SLC14A2: variants seen among roughly 807,000 people sequenced by gnomAD.
SLC14A2 encodes the protein urea transporter 2.
SLC14A2 carries 91 observed loss-of-function variants against 104.6 expected under a neutral mutation model. The observed-to-expected ratio is 0.87, with a 90% CI of 0.73 to 1.04. The LOEUF (loss-of-function observed/expected upper bound fraction) is 1.04. SLC14A2 is among the 50% of genes least tolerant of loss of function. The pLI is 0.00. For synonymous variants in SLC14A2, 476 were observed against 466.4 expected (o/e 1.02, Z -0.27); for missense variants, 1,189 against 1,156.0 (o/e 1.03, Z -0.41).
intron 2 of SLC14A2, chr18:45,492,052 C>T (rs2043011758): frequency 6.6e-6 from 1 of 152,270 alleles, no homozygotes; most frequent in African/African-American, 2.4e-5. Context: ...TTCTGTTCTG[C>T]CATTCCTAGT....
rs2046336512 is a variant in SLC14A2, at chr18:45,683,076, GGAGT to G, written c.*561_*564del. On this transcript the variant is annotated 3_prime_UTR_variant, in exon 20 of 20. Coordinates refer to ENST00000255226, the MANE Select transcript of SLC14A2 (RefSeq NM_007163.4). ...GCCACTGCACTCCAGCCTGGGCAAC[GGAGT>G]GAGACTCTGTCTCAAAAAAAAAAAA... 6.6e-6 allele frequency: 1 copy of G among 152,476 alleles called. No individual in the cohort carries two copies. Among genetic ancestry groups the G allele is most frequent in the African/African-American group, 2.4e-5 (1 of 40,862 alleles). The allele number at this position is 152,476 out of a possible 1,614,324, so 9.4% of individuals were successfully genotyped here. A position where few individuals can be genotyped will look rare whatever the true frequency, so the allele number is the denominator to read the frequency against.
At chr18:45,418,020 T>C (rs2086297019) in intron 1 of SLC14A2, among the ~76,000 whole-genome samples, 1 of 152,216 alleles carries the variant, frequency 6.6e-6, no homozygotes, top group Admixed American at 6.5e-5. Flanking sequence ...TGGGTGCAGC[T>C]ATTCAGGGAA....
At chr18:45,460,006 T>C (rs1005075095) in intron 1 of SLC14A2, among the ~76,000 whole-genome samples, 49 of 152,282 alleles carry the variant, frequency 3.2e-4, no homozygotes, top group African/African-American at 1.1e-3. Context: ...CCAGGTCCAA[T>C]CTTTTTGGTC....
chr18:45,323,337 C>T (rs965961531), intron 1 of SLC14A2, among the ~76,000 whole-genome samples: 33 of 152,328 alleles, frequency 2.2e-4, no homozygotes, highest in Admixed American at 1.6e-3. Flanking sequence ...TGTCAGGCCT[C>T]TCCCAAGGAG....
intron 1 of SLC14A2, among the ~76,000 whole-genome samples, chr18:45,621,378 TCA>T (rs1437490145): frequency 6.6e-6 from 1 of 152,172 alleles, no homozygotes; most frequent in African/African-American, 2.4e-5. Flanking sequence ...ACACAAAAAT[TCA>T]CAGTGGTCTA....
chr18:45,414,757 A>AAAAATATATATATATATAT (rs1360051908), intron 1 of SLC14A2, among the ~76,000 whole-genome samples: 7 of 76,096 alleles, frequency 9.2e-5, no homozygotes, highest in African/African-American at 3.8e-4. Flanking sequence ...AAAAAAAAAA[A>AAAAATATATATATATATAT]ATATATATAT....
intron 1 of SLC14A2, among the ~76,000 whole-genome samples, chr18:45,364,116 T>C (rs996997724): frequency 6.6e-6 from 1 of 152,232 alleles, no homozygotes; most frequent in Non-Finnish European, 1.5e-5. Flanking sequence ...CCCTGTGCTC[T>C]GTAGCTGTCT....
At chr18:45,457,399 C>A (rs2086963094) in intron 1 of SLC14A2, among the ~76,000 whole-genome samples, 1 of 152,152 alleles carries the variant, frequency 6.6e-6, no homozygotes, top group African/African-American at 2.4e-5. Context: ...CCAAAGTCAA[C>A]TGCATATATG....
chr18:45,432,647 C>T (rs749008906), intron 1 of SLC14A2, among the ~76,000 whole-genome samples: 3 of 152,174 alleles, frequency 2.0e-5, no homozygotes, highest in Non-Finnish European at 4.4e-5. Context: ...CTGATTTCGG[C>T]TTTGTGAGTA....
In SLC14A2 at chr18:45,349,128, C is replaced by G. The variant is rs142011469; in HGVS notation, c.-124-134105C>G. 2.5e-3 allele frequency among the ~76,000 whole-genome samples: 388 copies of G among 152,314 alleles called. 1 individual carries two copies. Among genetic ancestry groups the G allele is most frequent in the African/African-American group, 8.9e-3 (369 of 41,562 alleles). Reference sequence around the variant, plus strand: ...AATTTCTCTGTGCTCATTTCGCTTTCTTGTTCATAAAGGTGCTTCCTGTTC... The same window carrying G: ...AATTTCTCTGTGCTCATTTCGCTTTGTTGTTCATAAAGGTGCTTCCTGTTC... On this transcript the variant is annotated intron_variant, in intron 1 of 20. Coordinates refer to the SLC14A2 transcript ENST00000586448.
At chr18:45,630,621 G>C (rs1377182623) in intron 4 of SLC14A2, among the ~76,000 whole-genome samples, 1 of 152,172 alleles carries the variant, frequency 6.6e-6, no homozygotes, top group Admixed American at 6.5e-5. Context: ...GGGTGGGACA[G>C]CTATTGGTAT....
chr18:45,279,326 G>A (rs752357956), intron 1 of SLC14A2, among the ~76,000 whole-genome samples: 13 of 152,146 alleles, frequency 8.5e-5, no homozygotes, highest in Non-Finnish European at 1.9e-4. Context: ...ATGAATTTAC[G>A]GGCAAAGGTG....
intron 1 of SLC14A2, among the ~76,000 whole-genome samples, chr18:45,431,574 T>G (rs911263939): frequency 2.0e-5 from 3 of 152,208 alleles, no homozygotes; most frequent in Non-Finnish European, 4.4e-5. Context: ...AGAATAGCAC[T>G]TTAGGGGACA....
the SLC14A2 span, among the ~76,000 whole-genome samples, chr18:45,179,626 A>G: frequency 6.6e-6 from 1 of 152,340 alleles, no homozygotes; most frequent in African/African-American, 2.4e-5. Context: ...AGGAGAACAC[A>G]GCAAGGTTAT....
chr18:45,402,693 G>A (rs1033832799), intron 1 of SLC14A2, among the ~76,000 whole-genome samples: 15 of 152,124 alleles, frequency 9.9e-5, no homozygotes, highest in Admixed American at 9.8e-4. Flanking sequence ...AACCCCACCT[G>A]CCATTTTGGT....
At chr18:45,176,019 A>T in the SLC14A2 span, among the ~76,000 whole-genome samples, 1 of 152,184 alleles carries the variant, frequency 6.6e-6, no homozygotes, top group Non-Finnish European at 1.5e-5. Flanking sequence ...GAAGAAACGG[A>T]ATGGAGAATA....
chr18:45,252,769 C>A (rs1164818356), intron 1 of SLC14A2, among the ~76,000 whole-genome samples: 3 of 147,164 alleles, frequency 2.0e-5, no homozygotes, highest in Admixed American at 6.8e-5. Flanking sequence ...TACTTTGGTG[C>A]AACATACTCA....
chr18:45,170,419 A>G, the SLC14A2 span, among the ~76,000 whole-genome samples: 18 of 152,338 alleles, frequency 1.2e-4, no homozygotes, highest in Admixed American at 6.5e-4. Context: ...AAGTTAAAGT[A>G]AAGAACTTTA....
At chr18:45,610,299 G>A (rs995885682) in intron 2 of SLC14A2, among the ~76,000 whole-genome samples, 1 of 152,150 alleles carries the variant, frequency 6.6e-6, no homozygotes, top group African/African-American at 2.4e-5. Context: ...GGAGTAGCAA[G>A]GGCATAAAAT....
Sources: allele counts gnomAD v4.1 joint callset (sites outside exome capture counted in the v4.1 genomes callset), GRCh38; gene constraint gnomAD v4.1.1; transcripts MANE v1.5; gene names NCBI Gene and HGNC (gene_info 2026-07-23, HGNC 2026-07-21).